The following HIGD1A variants were observed in gnomAD, a reference collection of about 807,000 sequenced individuals.
The protein encoded by HIGD1A is HIG1 hypoxia inducible domain family member 1A, also known as HIG1 domain family member 1A, mitochondrial.
In HIGD1A, 8 loss-of-function variants were observed where a neutral mutation model predicts 11.3. The observed-to-expected ratio is 0.71, with a 90% CI of 0.42 to 1.28. The LOEUF (loss-of-function observed/expected upper bound fraction) is 1.28, where lower values mean the gene tolerates loss of function less well. HIGD1A is among the 50% of genes most tolerant of loss of function. HIGD1A has a pLI of 0.01. For missense variants in HIGD1A, 107 were observed against 118.8 expected, an observed-to-expected ratio of 0.90 and a Z score of 0.46; for synonymous variants, 32 against 38.4, an observed-to-expected ratio of 0.83 and a Z score of 0.62.
At chr3:42,795,165 C>T (rs1394938998) in intron 1 of HIGD1A, among the ~76,000 whole-genome samples, 1 of 150,816 alleles carries the variant, frequency 6.6e-6, no homozygotes, top group African/African-American at 2.4e-5. Flanking sequence ...CCCACCTCAG[C>T]CTCCCAAACT....
intron 1 of HIGD1A, 46 bp from the exon 2 acceptor site, chr3:42,794,321 CATT>C (rs1700467475): frequency 2.0e-6 from 3 of 1,501,558 alleles, no homozygotes; most frequent in Non-Finnish European, 2.7e-6. Flanking sequence ...AGCATCTGAA[CATT>C]ATTAAATATC....
chr3:42,791,480 G>C (rs1036590036), intron 2 of HIGD1A, among the ~76,000 whole-genome samples: 1 of 152,156 alleles, frequency 6.6e-6, no homozygotes, highest in Non-Finnish European at 1.5e-5. Flanking sequence ...CATATGAAAA[G>C]ATGCTCAAAG....
At chr3:42,786,284 C>A in intron 2 of HIGD1A, 122 bp from the exon 3 acceptor site, 1 of 1,148,306 alleles carries the variant, frequency 8.7e-7, no homozygotes, top group Non-Finnish European at 1.2e-6. Context: ...AATTAGCTAA[C>A]ATACAAATTG....
In HIGD1A at chr3:42,804,397, G is replaced by A. The variant is rs375087219; in HGVS notation, c.-23+39C>T. The A allele has an allele frequency of 1.9e-3, 973 of 525,922 alleles. 26 individuals carry two copies. In the South Asian group the frequency reaches 0.024, roughly 13 times the overall value. 32.6% of individuals were successfully genotyped at this position (525,922 alleles called of 1,614,324 possible). Reference sequence around the variant, plus strand: ...CCCACTTCTTCCCGCCCCGCGGCCCGAGTCCCTGGCTCGCAGTCCCCCGGC... The same window carrying A: ...CCCACTTCTTCCCGCCCCGCGGCCCAAGTCCCTGGCTCGCAGTCCCCCGGC... On this transcript the variant is annotated intron_variant, in intron 1 of 3. Coordinates refer to ENST00000321331, the MANE Select transcript of HIGD1A (RefSeq NM_014056.4).
intron 2 of HIGD1A, among the ~76,000 whole-genome samples, chr3:42,787,384 C>A (rs1253383364): frequency 6.6e-6 from 1 of 151,718 alleles, no homozygotes; most frequent in Non-Finnish European, 1.5e-5. Flanking sequence ...CACCTGAGAT[C>A]AGGGGTTTGA....
In HIGD1A at chr3:42,783,396, G is replaced by A. The variant is rs920097689; in HGVS notation, c.*1875C>T. Among the ~76,000 whole-genome samples, 1 of 152,118 alleles carries A rather than the reference G, an allele frequency of 6.6e-6. No individual in the cohort carries two copies. Among genetic ancestry groups the A allele is most frequent in the Non-Finnish European group, 1.5e-5 (1 of 68,024 alleles). ...GCACTTTGGGAGGCTGAGGCAGATA[G>A]ATCTCTTGAAGCCAGGAGTTCAAGA... is the stretch of plus-strand genomic sequence containing the variant. On this transcript the variant is annotated 3_prime_UTR_variant, in exon 4 of 4. Transcript: ENST00000321331.
intron 2 of HIGD1A, 21 bp from the exon 3 acceptor site, chr3:42,786,183 T>C: frequency 6.2e-7 from 1 of 1,613,674 alleles, no homozygotes; most frequent in South Asian, 1.1e-5. Flanking sequence ...AAGTAACAAG[T>C]ATGTCAGATG....
At position 42,785,936 on chromosome 3, in the gene HIGD1A, C is replaced by G. The variant is rs766374459; in HGVS notation, c.232+92G>C. On this transcript the variant is annotated intron_variant, in intron 3 of 3. Transcript: ENST00000321331. Reference sequence around the variant, plus strand: ...GAGTATAAGTGATATTCTCCAACTGCTAAAAGGTCAGCTAAAAATATTTAC... The same window carrying G: ...GAGTATAAGTGATATTCTCCAACTGGTAAAAGGTCAGCTAAAAATATTTAC... 59 of 1,187,600 alleles carry G rather than the reference C, an allele frequency of 5.0e-5. No individual in the cohort carries two copies. The Middle Eastern group carries it at 8.2e-4, about 17-fold the overall frequency. 73.6% of individuals were successfully genotyped at this position (1,187,600 alleles called of 1,614,324 possible). A position where few individuals can be genotyped will look rare whatever the true frequency, so the allele number is the denominator to read the frequency against.
chr3:42,792,811 T>C (rs1700442390), intron 2 of HIGD1A, among the ~76,000 whole-genome samples: 1 of 149,362 alleles, frequency 6.7e-6, no homozygotes, highest in African/African-American at 2.5e-5. Context: ...GAAACCCCCA[T>C]CTCTACTAAA....
chr3:42,794,307 T>TA, intron 1 of HIGD1A, 32 bp from the exon 2 acceptor site: 1 of 1,538,792 alleles, frequency 6.5e-7, no homozygotes, highest in Non-Finnish European at 8.7e-7. Context: ...GTTCTGTAAT[T>TA]AAAAGCATCT....
chr3:42,793,122 C>T (rs1348414706), intron 2 of HIGD1A, among the ~76,000 whole-genome samples: 1 of 151,870 alleles, frequency 6.6e-6, no homozygotes, highest in Non-Finnish European at 1.5e-5. Flanking sequence ...ATATGTACAT[C>T]AAAATGGTAA....
chr3:42,792,976 C>T (rs1404524339), intron 2 of HIGD1A, among the ~76,000 whole-genome samples: 3 of 150,052 alleles, frequency 2.0e-5, no homozygotes, highest in Admixed American at 6.6e-5. Flanking sequence ...GAGTGAAACT[C>T]CTTCTCGGAA....
chr3:42,803,559 G>A (rs1196471115), intron 1 of HIGD1A, among the ~76,000 whole-genome samples: 1 of 152,204 alleles, frequency 6.6e-6, no homozygotes, highest in Non-Finnish European at 1.5e-5. Context: ...GGAGCTTCAT[G>A]ACCAGGTTGT....
Position 42,784,615 on chromosome 3 carries a change from C to A in HIGD1A, c.*656G>T, listed in dbSNP as rs1359648750. The A allele has an allele frequency of 6.6e-6, 1 of 152,576 alleles. No individual in the cohort carries two copies. Among genetic ancestry groups the A allele is most frequent in the Non-Finnish European group, 1.5e-5 (1 of 68,030 alleles). The allele number at this position is 152,576 out of a possible 1,614,324, so 9.5% of individuals were successfully genotyped here. On this transcript the variant is annotated 3_prime_UTR_variant, in exon 4 of 4. Transcript: ENST00000321331. The stretch of plus-strand genomic sequence containing the variant: ...TTCAAGATGACATTTAAAAATTATT[C>A]TAATATATCAGCAGCAAAAATATAA...
chr3:42,786,642 A>G lies in HIGD1A; in HGVS notation c.98-480T>C, dbSNP rs1700355274. Among the ~76,000 whole-genome samples the G allele has an allele frequency of 2.0e-5, 3 of 152,226 alleles. No individual in the cohort carries two copies. In the South Asian group the frequency reaches 6.2e-4, roughly 31 times the overall value. On this transcript the variant is annotated intron_variant, in intron 2 of 3. Transcript: ENST00000321331. Reference sequence around the variant, plus strand: ...TATTGTACTGGGAAGAAGTAAATAAAGGAAAAGAATAGAGCAATATTAGTT... The same window carrying G: ...TATTGTACTGGGAAGAAGTAAATAAGGGAAAAGAATAGAGCAATATTAGTT...
intron 2 of HIGD1A, among the ~76,000 whole-genome samples, chr3:42,790,293 G>A (rs1008273236): frequency 6.6e-6 from 1 of 152,204 alleles, no homozygotes; most frequent in African/African-American, 2.4e-5. Flanking sequence ...AGTACTTTGG[G>A]AGGCTGAGGC....
chr3:42,785,961 C>A, intron 3 of HIGD1A, 67 bp downstream of exon 3: 1 of 1,408,560 alleles, frequency 7.1e-7, no homozygotes, highest in Non-Finnish European at 1.0e-6. Context: ...AAAATATTTA[C>A]CTATTTTGTT....
chr3:42,788,390 G>A (rs917013641), intron 2 of HIGD1A, among the ~76,000 whole-genome samples: 2 of 152,092 alleles, frequency 1.3e-5, no homozygotes, highest in African/African-American at 4.8e-5. Context: ...ACCATAGAAA[G>A]AATTAAATGG....
intron 2 of HIGD1A, among the ~76,000 whole-genome samples, chr3:42,791,809 A>T (rs752172910): frequency 2.0e-5 from 3 of 152,318 alleles, no homozygotes; most frequent in Middle Eastern, 3.4e-3. Flanking sequence ...GACTTAAATG[A>T]CTTAAAAGTC....
Sources: gnomAD v4.1 joint callset for allele counts (sites outside exome capture counted in the v4.1 genomes callset) on GRCh38, gnomAD v4.1.1 for gene constraint, MANE v1.5 for transcripts, NCBI Gene and HGNC (gene_info 2026-07-23, HGNC 2026-07-21) for gene names.